The following CDK5RAP2 variants were observed in gnomAD, a reference collection of about 807,000 sequenced individuals.
CDK5RAP2 encodes the protein CDK5 regulatory subunit-associated protein 2.
In CDK5RAP2, 147 loss-of-function variants were observed where a neutral mutation model predicts 232.9. The ratio of observed to expected loss-of-function variants is 0.63; its 90% CI spans 0.55 to 0.72. The LOEUF (loss-of-function observed/expected upper bound fraction) is 0.72. Ranked by LOEUF, CDK5RAP2 falls within the 30% of genes least tolerant of loss-of-function variation. The probability of loss-of-function intolerance (pLI) is 0.00; values close to 1 mark genes in which losing one functional copy is unlikely to be tolerated. For missense variants in CDK5RAP2, 2,195 were observed against 2,231.5 expected, an observed-to-expected ratio of 0.98 and a Z score of 0.33; for synonymous variants, 833 against 833.7, an observed-to-expected ratio of 1.00 and a Z score of 0.01.
intron 12 of CDK5RAP2, among the ~76,000 whole-genome samples, chr9:120,505,634 T>C (rs1055044927): frequency 6.6e-6 from 1 of 152,222 alleles, no homozygotes; most frequent in African/African-American, 2.4e-5. Context: ...GAAAAAATTC[T>C]TGAAGGAAAT....
intron 6 of CDK5RAP2, among the ~76,000 whole-genome samples, chr9:120,537,814 G>T (rs1023194622): frequency 6.6e-6 from 1 of 152,112 alleles, no homozygotes; most frequent in African/African-American, 2.4e-5. Flanking sequence ...CAATGAAATG[G>T]TAAGCCCACA....
chr9:120,441,024 G>C (rs938469481), intron 23 of CDK5RAP2, among the ~76,000 whole-genome samples: 16 of 152,328 alleles, frequency 1.1e-4, no homozygotes, highest in Admixed American at 5.9e-4. Context: ...GAGTAGTACA[G>C]CAGAAAGAAT....
At chr9:120,488,701 A>G (rs755194667) in intron 13 of CDK5RAP2, among the ~76,000 whole-genome samples, 3 of 152,192 alleles carry the variant, frequency 2.0e-5, no homozygotes, top group Non-Finnish European at 4.4e-5. Context: ...TAATATCCCA[A>G]TTTCAGTTAA....
rs545265180 is a variant in CDK5RAP2, at chr9:120,551,366, A to G, written c.196-464T>C. ...CATAATATTCAGACAGTCATAACAT[A>G]TCACCCACAAATGGCTTATTAATTA... On this transcript the variant is annotated intron_variant, in intron 3 of 37. Transcript: ENST00000349780. 2.0e-5 allele frequency among the ~76,000 whole-genome samples: 3 copies of G among 152,342 alleles called. No homozygotes were observed. The South Asian group carries it at 6.2e-4, about 32-fold the overall frequency.
chr9:120,474,151 GGA>G (rs1235934553), intron 15 of CDK5RAP2, among the ~76,000 whole-genome samples: 1 of 152,156 alleles, frequency 6.6e-6, no homozygotes, highest in Non-Finnish European at 1.5e-5. Flanking sequence ...ATTGTGTTGA[GGA>G]ATAAATGAGA....
At chr9:120,480,362 ATGAAT>A (rs1480790544) in intron 14 of CDK5RAP2, among the ~76,000 whole-genome samples, 1 of 152,234 alleles carries the variant, frequency 6.6e-6, no homozygotes, top group Non-Finnish European at 1.5e-5. Context: ...ACCTTCAATT[ATGAAT>A]TGAAGGAATA....
At chr9:120,466,478 T>C (rs72755710) in intron 18 of CDK5RAP2, among the ~76,000 whole-genome samples, 3 of 152,312 alleles carry the variant, frequency 2.0e-5, no homozygotes, top group Non-Finnish European at 4.4e-5. Flanking sequence ...AGTTGGCTGA[T>C]ATTAAGATCT....
At chr9:120,475,734 G>A (rs2037971628) in intron 15 of CDK5RAP2, among the ~76,000 whole-genome samples, 1 of 152,234 alleles carries the variant, frequency 6.6e-6, no homozygotes, top group African/African-American at 2.4e-5. Context: ...CATTTCCTAT[G>A]AAAAAATCTG....
chr9:120,397,544 T>TAAAAAAAAAAAAAAA (rs760469422), intron 35 of CDK5RAP2, among the ~76,000 whole-genome samples: 1 of 49,154 alleles, frequency 2.0e-5, no homozygotes, highest in African/African-American at 8.8e-5. Flanking sequence ...AAAACATTCT[T>TAAAAAAAAAAAAAAA]AAAAAAAAAA....
chr9:120,429,572 AAGG>A (rs2035145831), intron 25 of CDK5RAP2, among the ~76,000 whole-genome samples: 1 of 152,192 alleles, frequency 6.6e-6, no homozygotes, highest in African/African-American at 2.4e-5. Context: ...GGACCTCTTC[AAGG>A]AGAACTACAA....
At chr9:120,554,931 C>A (rs890633626) in intron 3 of CDK5RAP2, among the ~76,000 whole-genome samples, 2 of 152,006 alleles carry the variant, frequency 1.3e-5, no homozygotes, top group African/African-American at 4.8e-5. Flanking sequence ...CCACGCTCAG[C>A]CTCAAAATGT....
At chr9:120,563,744 C>A (rs1216056212) in intron 3 of CDK5RAP2, among the ~76,000 whole-genome samples, 1 of 152,182 alleles carries the variant, frequency 6.6e-6, no homozygotes, top group East Asian at 1.9e-4. Flanking sequence ...CGGGGCCATA[C>A]AAGTGGGGCA....
rs1453463171 is a variant in CDK5RAP2 at position 120,409,396 on chromosome 9, G to A, written c.4415-80C>T. 4.0e-6 allele frequency: 4 copies of A among 1,006,384 alleles called. No homozygotes were observed. In the East Asian group the frequency reaches 1.0e-4, roughly 26 times the overall value. 62.3% of individuals were successfully genotyped at this position (1,006,384 alleles called of 1,614,324 possible). A position where few individuals can be genotyped will look rare whatever the true frequency, so the allele number is the denominator to read the frequency against. On this transcript the variant is annotated intron_variant, in intron 29 of 37. Transcript: ENST00000349780. Reference sequence around the variant, plus strand: ...TTATTATATAAATACAGCACTTCAAGAATACAAAAAAGAATGAGATTCGAT... The same window carrying A: ...TTATTATATAAATACAGCACTTCAAAAATACAAAAAAGAATGAGATTCGAT...
chr9:120,394,725 A>C, intron 35 of CDK5RAP2, 87 bp from the exon 36 acceptor site: 2 of 1,105,768 alleles, frequency 1.8e-6, no homozygotes, highest in Non-Finnish European at 2.7e-6. Context: ...TAAAAAGATG[A>C]TGCTCAACCT....
chr9:120,453,201 A>C (rs568220004), intron 21 of CDK5RAP2, among the ~76,000 whole-genome samples: 2 of 152,286 alleles, frequency 1.3e-5, no homozygotes, highest in Non-Finnish European at 2.9e-5. Context: ...AAAACACATA[A>C]ATGTCACAAT....
At chr9:120,391,831 C>T (rs2032011981) in intron 36 of CDK5RAP2, among the ~76,000 whole-genome samples, 1 of 152,180 alleles carries the variant, frequency 6.6e-6, no homozygotes, top group African/African-American at 2.4e-5. Flanking sequence ...AGACCCAGAG[C>T]AGGTCTGTGA....
In CDK5RAP2 at chr9:120,497,263, A is replaced by G. The variant is rs1267970355; in HGVS notation, c.1312-5786T>C. 3.1e-5 allele frequency among the ~76,000 whole-genome samples: 4 copies of G among 130,360 alleles called. 1 individual carries two copies. The highest frequency in any genetic ancestry group is 3.6e-5 in the African/African-American group (1 of 27,862). The allele number at this position is 130,360 out of a possible 152,430, so 85.5% of individuals were successfully genotyped here. The stretch of plus-strand genomic sequence containing the variant: ...TCCCTAATCTCAAGTAATCAGGGAC[A>G]CAAACACTGTGGAAGGCCGCAGGGT... On this transcript the variant is annotated intron_variant, in intron 12 of 37. Transcript: ENST00000349780.
intron 22 of CDK5RAP2, among the ~76,000 whole-genome samples, chr9:120,447,455 G>A (rs930858315): frequency 6.6e-6 from 1 of 152,208 alleles, no homozygotes; most frequent in African/African-American, 2.4e-5. Flanking sequence ...GTGGGGAAGT[G>A]GGTTACTTCT....
intron 18 of CDK5RAP2, among the ~76,000 whole-genome samples, chr9:120,462,637 A>T (rs2037155051): frequency 6.6e-6 from 1 of 152,246 alleles, no homozygotes; most frequent in Non-Finnish European, 1.5e-5. Flanking sequence ...AATGCTGAGT[A>T]AAAGAATATA....
Sources: gnomAD v4.1 joint callset for allele counts (sites outside exome capture counted in the v4.1 genomes callset) on GRCh38, gnomAD v4.1.1 for gene constraint, MANE v1.5 for transcripts, NCBI Gene and HGNC (gene_info 2026-07-23, HGNC 2026-07-21) for gene names.